RANBP2: variants seen among roughly 807,000 people sequenced by gnomAD.
The protein encoded by RANBP2 is RAN binding protein 2.
RANBP2 carries 57 observed loss-of-function variants against 303.6 expected under a neutral mutation model. The ratio of observed to expected loss-of-function variants is 0.19; its 90% CI spans 0.15 to 0.23. The LOEUF is 0.23. Among genes scored for constraint, RANBP2 ranks in the 10% least tolerant of loss-of-function variants. The probability of loss-of-function intolerance (pLI) is 1.00; values close to 1 mark genes in which losing one functional copy is unlikely to be tolerated. For synonymous variants in RANBP2, 1,167 were observed against 1,301.5 expected (o/e 0.90, Z 2.23); for missense variants, 3,138 against 3,780.8 (o/e 0.83, Z 4.46).
chr2:109,316,678 T>A, the RANBP2 span, among the ~76,000 whole-genome samples: 1 of 152,198 alleles, frequency 6.6e-6, no homozygotes, highest in Non-Finnish European at 1.5e-5. Flanking sequence ...TGGTGTCACA[T>A]TAGGGTTTAC....
chr2:109,521,109 C>T, the RANBP2 span, among the ~76,000 whole-genome samples: 7 of 151,234 alleles, frequency 4.6e-5, no homozygotes, highest in African/African-American at 1.2e-4. Context: ...CCCAGCTACT[C>T]GGAGAGGCTG....
the RANBP2 span, chr2:109,614,953 A>G: frequency 6.6e-7 from 1 of 1,524,790 alleles, no homozygotes; most frequent in Non-Finnish European, 8.8e-7. Context: ...GCTCGCAGGA[A>G]GAACTCGCGG....
the RANBP2 span, among the ~76,000 whole-genome samples, chr2:109,577,229 G>A: frequency 2.6e-5 from 4 of 152,146 alleles, no homozygotes; most frequent in African/African-American, 9.7e-5. Flanking sequence ...GTATGTGAGC[G>A]ACACAGAAAT....
chr2:108,906,180 G>T, the RANBP2 span: 2 of 939,052 alleles, frequency 2.1e-6, no homozygotes, highest in South Asian at 1.3e-5. Flanking sequence ...CGGCCATTCT[G>T]ACCAAAGTGC....
the RANBP2 span, chr2:109,614,316 T>C: frequency 1.6e-6 from 1 of 611,646 alleles, no homozygotes; most frequent in Non-Finnish European, 2.3e-6. Context: ...GGGGGGCGTG[T>C]CCGCCCGGGC....
chr2:109,657,784 A>G, the RANBP2 span, among the ~76,000 whole-genome samples: 1 of 144,976 alleles, frequency 6.9e-6, no homozygotes, highest in South Asian at 2.2e-4. Context: ...CAATGGCACA[A>G]TCTTGGCTCA....
At chr2:109,025,927 G>A in the RANBP2 span, among the ~76,000 whole-genome samples, 1 of 152,020 alleles carries the variant, frequency 6.6e-6, no homozygotes, top group African/African-American at 2.4e-5. Context: ...GTCCCATTTG[G>A]CCTGGGACAG....
At chr2:109,358,364 A>G in the RANBP2 span, among the ~76,000 whole-genome samples, 2 of 152,218 alleles carry the variant, frequency 1.3e-5, no homozygotes, top group African/African-American at 2.4e-5. Flanking sequence ...AAACATCCAT[A>G]TGCAGGTTTT....
chr2:109,514,361 CG>C, the RANBP2 span, among the ~76,000 whole-genome samples: 1 of 152,144 alleles, frequency 6.6e-6, no homozygotes, highest in East Asian at 1.9e-4. Flanking sequence ...AACGCAGCCC[CG>C]GGTGTGCGAG....
the RANBP2 span, among the ~76,000 whole-genome samples, chr2:109,658,176 G>A: frequency 2.6e-5 from 4 of 151,898 alleles, no homozygotes; most frequent in Admixed American, 6.6e-5. Context: ...CAGCCGGGGC[G>A]GTGGCTCATG....
chr2:109,231,801 A>G, the RANBP2 span, among the ~76,000 whole-genome samples: 4 of 152,100 alleles, frequency 2.6e-5, no homozygotes, highest in African/African-American at 4.8e-5. Context: ...CCTCTTATTC[A>G]TTTTTAGTAA....
the RANBP2 span, among the ~76,000 whole-genome samples, chr2:108,828,703 G>A: frequency 6.6e-6 from 1 of 152,140 alleles, no homozygotes; most frequent in African/African-American, 2.4e-5. Flanking sequence ...ACTCGGCTGG[G>A]CGTGGTGGTT....
the RANBP2 span, among the ~76,000 whole-genome samples, chr2:108,843,880 T>TGTGTGTGTGTGTG: frequency 2.1e-5 from 2 of 94,134 alleles, no homozygotes; most frequent in African/African-American, 1.1e-4. Context: ...GTGTGTGTGT[T>TGTGTGTGTGTGTG]TCTTTCTTTT....
chr2:109,547,282 T>C, the RANBP2 span, among the ~76,000 whole-genome samples: 11 of 152,066 alleles, frequency 7.2e-5, no homozygotes, highest in Non-Finnish European at 1.5e-4. Flanking sequence ...GAAGATGCTA[T>C]AGAAGGTAGA....
chr2:109,020,110 T>G, the RANBP2 span, among the ~76,000 whole-genome samples: 2 of 152,202 alleles, frequency 1.3e-5, no homozygotes, highest in African/African-American at 4.8e-5. Flanking sequence ...CTGTCTTTTA[T>G]AACACCACTG....
chr2:109,179,238 T>C, the RANBP2 span, among the ~76,000 whole-genome samples: 1 of 152,196 alleles, frequency 6.6e-6, no homozygotes, highest in East Asian at 1.9e-4. Flanking sequence ...TTCTGACATG[T>C]GATCCTTTTT....
the RANBP2 span, among the ~76,000 whole-genome samples, chr2:109,182,364 C>G: frequency 6.6e-6 from 1 of 152,188 alleles, no homozygotes; most frequent in East Asian, 1.9e-4. Flanking sequence ...CATTAACCCA[C>G]TTAGGAAGGT....
chr2:109,777,933 ATTAT>A, the RANBP2 span, among the ~76,000 whole-genome samples: 14 of 129,278 alleles, frequency 1.1e-4, 1 homozygote, highest in Non-Finnish European at 1.9e-4. Context: ...GGAAGATATA[ATTAT>A]TTATATAAGT....
At chr2:108,922,270 T>C in the RANBP2 span, among the ~76,000 whole-genome samples, 1 of 152,216 alleles carries the variant, frequency 6.6e-6, no homozygotes, top group Non-Finnish European at 1.5e-5. Context: ...GATCTGGCCT[T>C]GAATCAGCCT....
Sources: allele counts gnomAD v4.1 joint callset (sites outside exome capture counted in the v4.1 genomes callset), GRCh38; gene constraint gnomAD v4.1.1; transcripts MANE v1.5; gene names NCBI Gene and HGNC (gene_info 2026-07-23, HGNC 2026-07-21).